RARB: variants seen among roughly 807,000 people sequenced by gnomAD.
The protein encoded by RARB is retinoic acid receptor beta.
Under a neutral mutation model 51.9 loss-of-function variants are expected in RARB, and 17 were observed. The observed-to-expected ratio is 0.33, with a 90% CI of 0.22 to 0.49. The LOEUF is 0.49. Among genes scored for constraint, RARB ranks in the 20% least tolerant of loss-of-function variants. RARB has a pLI of 0.99. For missense variants in RARB, 369 were observed against 550.8 expected (o/e 0.67, Z 3.30); for synonymous variants, 215 against 195.4 (o/e 1.10, Z -0.84).
At chr3:25,220,824 C>G (rs1467261538) in intron 5 of RARB, among the ~76,000 whole-genome samples, 3 of 152,102 alleles carry the variant, frequency 2.0e-5, no homozygotes, top group African/African-American at 7.2e-5. Flanking sequence ...ACTAAGTCAG[C>G]CACTTACTTC....
intron 3 of RARB, among the ~76,000 whole-genome samples, chr3:25,516,141 C>G (rs1018822699): frequency 2.0e-5 from 3 of 152,196 alleles, no homozygotes; most frequent in African/African-American, 7.2e-5. Flanking sequence ...CTATGGTTAT[C>G]TAATACCCCA....
intron 2 of RARB, among the ~76,000 whole-genome samples, chr3:25,054,759 A>G (rs1408699888): frequency 6.6e-6 from 1 of 152,174 alleles, no homozygotes; most frequent in East Asian, 1.9e-4. Flanking sequence ...CAAAGGCCAG[A>G]CAACCCTGCT....
intron 5 of RARB, among the ~76,000 whole-genome samples, chr3:25,347,260 A>G (rs1208532315): frequency 6.6e-6 from 1 of 152,180 alleles, no homozygotes; most frequent in Non-Finnish European, 1.5e-5. Context: ...GGAGTTCTGA[A>G]ATGATGCAAT....
chr3:25,049,829 T>C (rs1224635504), intron 2 of RARB, among the ~76,000 whole-genome samples: 2 of 152,234 alleles, frequency 1.3e-5, no homozygotes, highest in African/African-American at 2.4e-5. Context: ...CTGCCCAGTG[T>C]ACTGAAACTG....
chr3:25,261,619 A>G (rs1024704620), intron 5 of RARB, among the ~76,000 whole-genome samples: 1 of 152,096 alleles, frequency 6.6e-6, no homozygotes, highest in Non-Finnish European at 1.5e-5. Context: ...AGATGCTGCT[A>G]TTTGGCTGGC....
intron 2 of RARB, among the ~76,000 whole-genome samples, chr3:25,474,154 C>T (rs1209221618): frequency 6.6e-6 from 1 of 152,110 alleles, no homozygotes; most frequent in African/African-American, 2.4e-5. Context: ...AAAATAGCAG[C>T]AATTCTAAGT....
At chr3:25,244,409 G>A (rs1264645775) in intron 5 of RARB, among the ~76,000 whole-genome samples, 3 of 151,864 alleles carry the variant, frequency 2.0e-5, no homozygotes, top group East Asian at 1.9e-4. Context: ...ATGTTAGGGT[G>A]TCAATTTTAG....
chr3:25,313,560 G>T (rs549797624), intron 5 of RARB, among the ~76,000 whole-genome samples: 1 of 152,116 alleles, frequency 6.6e-6, no homozygotes, highest in African/African-American at 2.4e-5. Context: ...ATACTGTAGT[G>T]CTTGTCTTTT....
chr3:24,948,595 T>C (rs927868099), intron 2 of RARB, among the ~76,000 whole-genome samples: 4 of 152,194 alleles, frequency 2.6e-5, no homozygotes, highest in Non-Finnish European at 2.9e-5. Context: ...TCCCTACCTA[T>C]TCCCCATGGA....
intron 3 of RARB, among the ~76,000 whole-genome samples, chr3:25,561,394 C>G (rs1700263547): frequency 6.6e-6 from 1 of 152,156 alleles, no homozygotes; most frequent in Admixed American, 6.5e-5. Flanking sequence ...CAGATTATTG[C>G]TGTGTAACAA....
chr3:25,066,357 C>T (rs1437810312), intron 3 of RARB, among the ~76,000 whole-genome samples: 1 of 152,152 alleles, frequency 6.6e-6, no homozygotes, highest in African/African-American at 2.4e-5. Flanking sequence ...GCATGTGTTA[C>T]TATCAAATTT....
intron 3 of RARB, among the ~76,000 whole-genome samples, chr3:25,566,028 C>G (rs909526335): frequency 2.0e-5 from 3 of 152,178 alleles, no homozygotes; most frequent in African/African-American, 7.2e-5. Flanking sequence ...CTGCACTGCC[C>G]CAGGAGCCAC....
intron 2 of RARB, among the ~76,000 whole-genome samples, chr3:25,481,795 TTCTG>T (rs1230591898): frequency 1.4e-4 from 21 of 152,358 alleles, no homozygotes; most frequent in African/African-American, 4.8e-4. Flanking sequence ...TTGTGAACAC[TTCTG>T]TCTGTCTTTA....
chr3:25,093,028 G>A (rs1015973861), intron 3 of RARB, among the ~76,000 whole-genome samples: 7 of 152,152 alleles, frequency 4.6e-5, no homozygotes, highest in African/African-American at 1.7e-4. Context: ...TTAGAGCACA[G>A]GTGTTGCTTA....
chr3:25,339,604 C>G (rs1056150004), intron 5 of RARB, among the ~76,000 whole-genome samples: 2 of 147,988 alleles, frequency 1.4e-5, no homozygotes, highest in African/African-American at 5.0e-5. Context: ...TTTAATCACA[C>G]TGTTTGCCTA....
intron 3 of RARB, among the ~76,000 whole-genome samples, chr3:25,104,143 G>A (rs1454338526): frequency 3.3e-5 from 5 of 152,094 alleles, no homozygotes; most frequent in African/African-American, 1.2e-4. Flanking sequence ...TCATCAGTCA[G>A]CACGGAAATG....
At chr3:25,002,879 A>T (rs1697196103) in intron 2 of RARB, among the ~76,000 whole-genome samples, 2 of 152,092 alleles carry the variant, frequency 1.3e-5, no homozygotes, top group Non-Finnish European at 2.9e-5. Flanking sequence ...AATTGAGTTT[A>T]TATATAAAAT....
chr3:24,949,360 C>T (rs1695841007), intron 2 of RARB, among the ~76,000 whole-genome samples: 1 of 152,184 alleles, frequency 6.6e-6, no homozygotes, highest in African/African-American at 2.4e-5. Flanking sequence ...CCCTTCCCCC[C>T]TGAACATATT....
chr3:25,335,148 C>G (rs955652126), intron 5 of RARB, among the ~76,000 whole-genome samples: 5 of 152,122 alleles, frequency 3.3e-5, no homozygotes, highest in Non-Finnish European at 7.3e-5. Context: ...GGTAATAGCA[C>G]AAGCATACTG....
Sources: gnomAD v4.1 joint callset for allele counts (sites outside exome capture counted in the v4.1 genomes callset) on GRCh38, gnomAD v4.1.1 for gene constraint, MANE v1.5 for transcripts, NCBI Gene and HGNC (gene_info 2026-07-23, HGNC 2026-07-21) for gene names.